Variants in PRTFDC1 observed in about 807,000 individuals in gnomAD.
The protein encoded by PRTFDC1 is phosphoribosyl transferase domain containing 1.
PRTFDC1 carries 38 observed loss-of-function variants against 34.6 expected under a neutral mutation model. The ratio of observed to expected loss-of-function variants is 1.10; its 90% CI spans 0.85 to 1.44. PRTFDC1 has a LOEUF of 1.44. Ranked by LOEUF, PRTFDC1 falls within the 40% of genes most tolerant of loss-of-function variation. PRTFDC1 has a pLI of 0.00. For synonymous variants in PRTFDC1, 93 were observed against 98.1 expected, an observed-to-expected ratio of 0.95 and a Z score of 0.31; for missense variants, 270 against 283.0, an observed-to-expected ratio of 0.95 and a Z score of 0.33.
intron 3 of PRTFDC1, among the ~76,000 whole-genome samples, chr10:24,930,819 C>G (rs1269794035): frequency 6.6e-6 from 1 of 152,048 alleles, no homozygotes; most frequent in Non-Finnish European, 1.5e-5. Flanking sequence ...TCCTTTATTC[C>G]TTTTCATCCT....
Position 24,952,057 on chromosome 10 carries a change from C to T in PRTFDC1, c.48+471G>A, listed in dbSNP as rs190658285. Among the ~76,000 whole-genome samples the T allele has an allele frequency of 7.2e-5, 11 of 152,354 alleles. No individual in the cohort carries two copies. The East Asian group carries it at 2.1e-3, about 29-fold the overall frequency. On this transcript the variant is annotated intron_variant, in intron 1 of 8. Coordinates refer to ENST00000320152, the MANE Select transcript of PRTFDC1 (RefSeq NM_020200.7). This position sits in a 1 kb window ranked among gnomAD's most constrained non-coding sequence, Gnocchi z 5.1. ...GGCTTCAAATCTCAAGCTCTGTCCA[C>T]TTGAGCTACTTTATTTCCTAGCTGC...
chr10:24,927,139 T>C (rs1475840295), intron 3 of PRTFDC1, among the ~76,000 whole-genome samples: 1 of 152,190 alleles, frequency 6.6e-6, no homozygotes, highest in Admixed American at 6.5e-5. Flanking sequence ...CCTAGAGCAA[T>C]GCTAGATGAT....
At chr10:24,877,872 C>G (rs982467818) in intron 3 of PRTFDC1, among the ~76,000 whole-genome samples, 1 of 152,184 alleles carries the variant, frequency 6.6e-6, no homozygotes, top group African/African-American at 2.4e-5. Flanking sequence ...CTGCCTGCCT[C>G]AGCCTCCCAA....
chr10:24,858,510 A>T, intron 4 of PRTFDC1, 101 bp from the exon 5 acceptor site: 1 of 1,204,282 alleles, frequency 8.3e-7, no homozygotes, highest in Non-Finnish European at 1.2e-6. Context: ...CAATTTACTT[A>T]GACGGTCCTT....
chr10:24,917,763 A>G (rs1282929891), intron 3 of PRTFDC1, among the ~76,000 whole-genome samples: 1 of 152,150 alleles, frequency 6.6e-6, no homozygotes, highest in Non-Finnish European at 1.5e-5. Flanking sequence ...GGGAGTCCCA[A>G]ATGCAATAGA....
At chr10:24,855,415 T>C in intron 6 of PRTFDC1, 51 bp from the exon 7 acceptor site, 1 of 1,589,584 alleles carries the variant, frequency 6.3e-7, no homozygotes, top group Non-Finnish European at 8.6e-7. Flanking sequence ...TCTCTATGAA[T>C]TGTAAATAGA....
chr10:24,929,908 T>C (rs1848945543), intron 3 of PRTFDC1, among the ~76,000 whole-genome samples: 1 of 152,154 alleles, frequency 6.6e-6, no homozygotes, highest in African/African-American at 2.4e-5. Context: ...TAGAGCTTTC[T>C]CAAAACACAC....
intron 1 of PRTFDC1, among the ~76,000 whole-genome samples, chr10:24,942,963 A>G (rs1282304860): frequency 6.6e-6 from 1 of 152,066 alleles, no homozygotes; most frequent in East Asian, 1.9e-4. Context: ...TACAATAAAA[A>G]TATAAAGTCA....
At chr10:24,903,706 T>TC (rs1848485055) in intron 3 of PRTFDC1, among the ~76,000 whole-genome samples, 1 of 151,548 alleles carries the variant, frequency 6.6e-6, no homozygotes, top group East Asian at 1.9e-4. Flanking sequence ...GAAGTTGTAT[T>TC]CTTTTTTTTT....
intron 3 of PRTFDC1, among the ~76,000 whole-genome samples, chr10:24,896,816 T>C (rs1848373779): frequency 6.6e-6 from 1 of 152,258 alleles, no homozygotes; most frequent in South Asian, 2.1e-4. Context: ...ACCTTTCGCC[T>C]GTAATCCTAG....
At position 24,952,584 on chromosome 10, in the gene PRTFDC1, C is replaced by T. The variant is rs1335216292; in HGVS notation, c.-9G>A. 3 of 1,444,386 alleles carry T rather than the reference C, an allele frequency of 2.1e-6. No individual in the cohort carries two copies. The highest frequency in any genetic ancestry group is 2.0e-5 in the Admixed American group (1 of 50,860). 89.5% of individuals were successfully genotyped at this position (1,444,386 alleles called of 1,614,324 possible). A position where few individuals can be genotyped will look rare whatever the true frequency, so the allele number is the denominator to read the frequency against. On this transcript the variant is annotated 5_prime_UTR_variant, in exon 1 of 9. Transcript: ENST00000320152. This position sits in a 1 kb window ranked among gnomAD's most constrained non-coding sequence, Gnocchi z 5.1. ...TCGCTGCTCCCGGCCATGTTTCTCC[C>T]GGGGAACGCGGGAAGGGAAGACGGC...
intron 3 of PRTFDC1, among the ~76,000 whole-genome samples, chr10:24,927,100 A>T (rs184330693): frequency 6.6e-6 from 1 of 152,366 alleles, no homozygotes; most frequent in East Asian, 1.9e-4. Flanking sequence ...ATTTCACTTC[A>T]TAGAATTAAC....
At chr10:24,891,281 C>T (rs1848257117) in intron 3 of PRTFDC1, among the ~76,000 whole-genome samples, 1 of 152,070 alleles carries the variant, frequency 6.6e-6, no homozygotes, top group Admixed American at 6.6e-5. Flanking sequence ...TATATCCTTA[C>T]ATATACAGGA....
chr10:24,916,149 C>A (rs1484912124), intron 3 of PRTFDC1, among the ~76,000 whole-genome samples: 3 of 152,160 alleles, frequency 2.0e-5, no homozygotes, highest in Non-Finnish European at 2.9e-5. Context: ...TAAAATTCAT[C>A]AGCACGTATG....
chr10:24,855,280 C>T (rs780052294), intron 7 of PRTFDC1, 38 bp downstream of exon 7: 33 of 1,522,048 alleles, frequency 2.2e-5, no homozygotes, highest in South Asian at 5.8e-5. Context: ...AAGCACAAAA[C>T]AAACAAACAA....
At chr10:24,857,323 C>T (rs1373845772) in intron 5 of PRTFDC1, among the ~76,000 whole-genome samples, 2 of 151,952 alleles carry the variant, frequency 1.3e-5, no homozygotes, top group Non-Finnish European at 2.9e-5. Context: ...TAAATTTGGC[C>T]CTGAGTTTAT....
intron 3 of PRTFDC1, among the ~76,000 whole-genome samples, chr10:24,887,441 G>T (rs369049085): frequency 7.2e-6 from 1 of 138,142 alleles, no homozygotes; most frequent in Non-Finnish European, 1.6e-5. Context: ...GTTCTCACGA[G>T]ATCTGATGGT....
At chr10:24,918,375 G>A (rs1848729503) in intron 3 of PRTFDC1, among the ~76,000 whole-genome samples, 1 of 151,930 alleles carries the variant, frequency 6.6e-6, no homozygotes, top group Non-Finnish European at 1.5e-5. Context: ...CATTTTAGTG[G>A]AGAATGCAAA....
Position 24,952,531 on chromosome 10 carries a change from G to A in PRTFDC1, c.45C>T (p.Val15=). 1.3e-6 allele frequency: 2 copies of A among 1,587,482 alleles called. No individual in the cohort carries two copies. The highest frequency in any genetic ancestry group is 1.8e-5 in the Admixed American group (1 of 56,562). ...AAAATAGGGAGTTTGCATTTACCAC[G>A]ACGCCTCGCCCGTAGTCTGGCGCCT... The part of the protein sequence containing the change: ...SEEAPDYGRG[V]VIMDDWPGYD... The change falls in exon 1 of 9, where the codon GTC becomes GTT. Residue 15 remains valine (V), a synonymous_variant. Transcript: ENST00000320152. This position sits in a 1 kb window ranked among gnomAD's most constrained non-coding sequence, Gnocchi z 5.1.
Sources: gnomAD v4.1 joint callset for allele counts (sites outside exome capture counted in the v4.1 genomes callset) on GRCh38, gnomAD v4.1.1 for gene constraint, Gnocchi (gnomAD v3.1) non-coding constraint, MANE v1.5 for transcripts, NCBI Gene and HGNC (gene_info 2026-07-23, HGNC 2026-07-21) for gene names.